Variants in SEC23IP observed in about 807,000 individuals in gnomAD.
The protein encoded by SEC23IP is SEC23 interacting protein.
A neutral mutation model predicts 113.4 loss-of-function variants in SEC23IP; 70 were observed. The observed-to-expected ratio is 0.62, with a 90% CI of 0.51 to 0.75. The LOEUF (loss-of-function observed/expected upper bound fraction) is 0.75, where lower values mean the gene tolerates loss of function less well. Ranked by LOEUF, SEC23IP falls within the 30% of genes least tolerant of loss-of-function variation. The pLI is 0.00. For synonymous variants in SEC23IP, 398 were observed against 421.0 expected, an observed-to-expected ratio of 0.95 and a Z score of 0.67; for missense variants, 1,160 against 1,204.9, an observed-to-expected ratio of 0.96 and a Z score of 0.55.
rs138052751 is a variant in SEC23IP, at chr10:119,892,827, T to C, written c.45T>C (p.Thr15=). The C allele has an allele frequency of 6.7e-5, 108 of 1,613,338 alleles. No homozygotes were observed. Among genetic ancestry groups the C allele is most frequent in the South Asian group, 4.4e-5 (4 of 90,948 alleles). ...KPNGGSGGAS[T]SSSGTNLLFS... ...ACGGTGGCAGCGGCGGCGCCTCCACTTCCTCATCGGGCACTAACTTACTTT... is the reference window on the plus strand; with the variant it reads ...ACGGTGGCAGCGGCGGCGCCTCCACCTCCTCATCGGGCACTAACTTACTTT... Residue 15 remains threonine (T), a synonymous_variant, in exon 1 of 19, where the codon ACT becomes ACC. Transcript: ENST00000369075.
rs111316559 is a variant in SEC23IP, at chr10:119,933,260, A to G, written c.2921+93A>G. On this transcript the variant is annotated intron_variant, in intron 17 of 18. Coordinates refer to ENST00000369075, the MANE Select transcript of SEC23IP (RefSeq NM_007190.4). ...TTTAGTGAGATTCTTTTACTGATAC[A>G]ATGTACTATGAATATTCATTTGAAT... 3.5e-3 allele frequency: 3,517 copies of G among 991,672 alleles called. 41 individuals are homozygous for G. Among genetic ancestry groups the G allele is most frequent in the African/African-American group, 0.033 (2,063 of 61,948 alleles). The allele number at this position is 991,672 out of a possible 1,614,324, so 61.4% of individuals were successfully genotyped here.
chr10:119,936,826 A>G (rs1180129652), intron 18 of SEC23IP, among the ~76,000 whole-genome samples: 1 of 151,780 alleles, frequency 6.6e-6, no homozygotes, highest in East Asian at 1.9e-4. Flanking sequence ...TTGCCTGTTC[A>G]TGACCTTTGT....
In SEC23IP at chr10:119,944,198, G is replaced by A. The variant is rs1564932196; in HGVS notation, c.*3633G>A. ...CCATGCTGTTCTTGTGATAGTGAGG[G>A]AGTTCTCACAAGATCTGATGGTTTT... On this transcript the variant is annotated 3_prime_UTR_variant, in exon 19 of 19. Transcript: ENST00000369075. 1 of 152,072 alleles carries A rather than the reference G, an allele frequency of 6.6e-6. No individual in the cohort carries two copies. The highest frequency in any genetic ancestry group is 1.5e-5 in the Non-Finnish European group (1 of 68,018). The allele number at this position is 152,072 out of a possible 1,614,324, so 9.4% of individuals were successfully genotyped here. A position where few individuals can be genotyped will look rare whatever the true frequency, so the allele number is the denominator to read the frequency against.
chr10:119,894,412 T>C lies in SEC23IP; in HGVS notation c.163+1467T>C, dbSNP rs930988233. 2.0e-5 allele frequency among the ~76,000 whole-genome samples: 3 copies of C among 152,222 alleles called. No individual in the cohort carries two copies. In the East Asian group the frequency reaches 5.8e-4, roughly 29 times the overall value. ...GGTTCCCCTGCCCATGTGTTATGTT[T>C]CTTCTTGATGCTTGTCACTACCTGA... On this transcript the variant is annotated intron_variant, in intron 1 of 18. Coordinates refer to ENST00000369075, the MANE Select transcript of SEC23IP (RefSeq NM_007190.4).
chr10:119,898,406 T>C (rs1589820386), intron 1 of SEC23IP, 21 bp from the exon 2 acceptor site: 1 of 1,593,796 alleles, frequency 6.3e-7, no homozygotes, highest in African/African-American at 1.3e-5. Flanking sequence ...TTAAACCACA[T>C]GCTCTCCTGT....
At chr10:119,928,183 G>T (rs1855483370) in intron 13 of SEC23IP, among the ~76,000 whole-genome samples, 1 of 152,108 alleles carries the variant, frequency 6.6e-6, no homozygotes, top group Non-Finnish European at 1.5e-5. Flanking sequence ...CACTAGTGAG[G>T]TTATTTTCTC....
chr10:119,898,166 C>A, intron 1 of SEC23IP: 2 of 405,738 alleles, frequency 4.9e-6, no homozygotes, highest in Non-Finnish European at 8.2e-6. Flanking sequence ...GTGTTAACAG[C>A]GTGATTGTCT....
chr10:119,896,728 G>A (rs1190358807), intron 1 of SEC23IP, among the ~76,000 whole-genome samples: 2 of 151,984 alleles, frequency 1.3e-5, no homozygotes, highest in Non-Finnish European at 2.9e-5. Flanking sequence ...AAAGTTTCTC[G>A]GACCAGGTTG....
intron 4 of SEC23IP, among the ~76,000 whole-genome samples, chr10:119,905,190 A>G (rs1197925970): frequency 1.3e-5 from 2 of 152,120 alleles, no homozygotes; most frequent in Non-Finnish European, 2.9e-5. Context: ...GTGTATATAT[A>G]TAAAGAAAAA....
At chr10:119,923,675 A>G (rs1855324531) in intron 12 of SEC23IP, among the ~76,000 whole-genome samples, 1 of 151,886 alleles carries the variant, frequency 6.6e-6, no homozygotes, top group Non-Finnish European at 1.5e-5. Flanking sequence ...CAGCCTCCCA[A>G]CTAGCTGGGA....
Position 119,936,753 on chromosome 10 carries a change from A to G in SEC23IP, c.*20+2966A>G, listed in dbSNP as rs1047497326. On this transcript the variant is annotated intron_variant, in intron 18 of 18. Coordinates refer to ENST00000369075, the MANE Select transcript of SEC23IP (RefSeq NM_007190.4). Reference sequence around the variant, plus strand: ...TAATACCGTTTTTACTTACATTTCTATTATTAGTGAAGTTGAGCTCTTTGG... The same window carrying G: ...TAATACCGTTTTTACTTACATTTCTGTTATTAGTGAAGTTGAGCTCTTTGG... Among the ~76,000 whole-genome samples, 4 of 151,908 alleles carry G rather than the reference A, an allele frequency of 2.6e-5. No homozygotes were observed. The East Asian group carries it at 5.8e-4, about 22-fold the overall frequency.
At chr10:119,912,489 T>C (rs1396739993) in intron 6 of SEC23IP, among the ~76,000 whole-genome samples, 1 of 152,144 alleles carries the variant, frequency 6.6e-6, no homozygotes, top group Admixed American at 6.5e-5. Context: ...TTGATACATA[T>C]TAATGGGGTA....
In SEC23IP at chr10:119,898,652, C is replaced by T. The variant is rs754030710; in HGVS notation, c.389C>T (p.Ser130Leu). Reference sequence around the variant, plus strand: ...TTTACAACTGGATCCCAAGATGTCTCGAATGCATTTTCACCATCCATTTCG... The same window carrying T: ...TTTACAACTGGATCCCAAGATGTCTTGAATGCATTTTCACCATCCATTTCG... ...LPFTTGSQDV[S>L]NAFSPSISKA... The change falls in exon 2 of 19, where the codon TCG becomes TTG. Residue 130 changes from serine to leucine, a missense_variant. By Grantham distance (145) the Ser-to-Leu change is moderately radical. Coordinates refer to ENST00000369075, the MANE Select transcript of SEC23IP (RefSeq NM_007190.4). 12 of 1,614,204 alleles carry T rather than the reference C, an allele frequency of 7.4e-6. No homozygotes were observed. The highest frequency in any genetic ancestry group is 3.3e-5 in the South Asian group (3 of 91,084).
At chr10:119,908,124 C>A (rs983083705) in intron 4 of SEC23IP, among the ~76,000 whole-genome samples, 1 of 152,058 alleles carries the variant, frequency 6.6e-6, no homozygotes, top group Admixed American at 6.6e-5. Flanking sequence ...ATTTTGGTAT[C>A]TTTGAGGGGT....
In SEC23IP at chr10:119,930,344, T is replaced by C; in HGVS notation, c.2485T>C (p.Tyr829His). ...CTATTTATAGCTTGATCCAGTGGCATATAGATTAGAACCTATGATTGTTCC... is the reference window on the plus strand; with the variant it reads ...CTATTTATAGCTTGATCCAGTGGCACATAGATTAGAACCTATGATTGTTCC... The part of the protein sequence containing the change: ...NIYHPLDPVA[Y>H]RLEPMIVPDL... The change falls in exon 15 of 19, where the codon TAT (tyrosine) becomes CAT (histidine). Residue 829 changes from tyrosine to histidine, a missense_variant. Physicochemically the swap from Tyr to His is moderately conservative, Grantham distance 83 (BLOSUM62 2). Coordinates refer to ENST00000369075, the MANE Select transcript of SEC23IP (RefSeq NM_007190.4). 1 of 1,595,914 alleles carries C rather than the reference T, an allele frequency of 6.3e-7. No homozygotes were observed. Among genetic ancestry groups the C allele is most frequent in the Non-Finnish European group, 8.6e-7 (1 of 1,167,050 alleles).
chr10:119,899,336 A>G (rs1407488963), intron 2 of SEC23IP, among the ~76,000 whole-genome samples: 2 of 152,256 alleles, frequency 1.3e-5, no homozygotes, highest in African/African-American at 2.4e-5. Flanking sequence ...AAAACACTCA[A>G]TTACAGGGAC....
chr10:119,938,770 A>T (rs2134545064), intron 18 of SEC23IP, among the ~76,000 whole-genome samples: 1 of 152,328 alleles, frequency 6.6e-6, no homozygotes, highest in Middle Eastern at 3.4e-3. Context: ...CTTATATGGA[A>T]AACTCAGAAC....
chr10:119,905,760 C>G (rs1564908865), intron 4 of SEC23IP, among the ~76,000 whole-genome samples: 1 of 152,084 alleles, frequency 6.6e-6, no homozygotes, highest in Non-Finnish European at 1.5e-5. Flanking sequence ...AGCACCAATA[C>G]AAGAGTTTTT....
intron 1 of SEC23IP, among the ~76,000 whole-genome samples, chr10:119,894,892 CTGTGTGTGTG>C (rs3065498): frequency 0.17 from 24,205 of 143,430 alleles, 2,110 homozygotes; most frequent in Non-Finnish European, 0.21. Flanking sequence ...TGGAGACAGT[CTGTGTGTGTG>C]TGTGTGTGTG....
Sources: allele counts gnomAD v4.1 joint callset (sites outside exome capture counted in the v4.1 genomes callset), GRCh38; gene constraint gnomAD v4.1.1; transcripts MANE v1.5; gene names NCBI Gene and HGNC (gene_info 2026-07-23, HGNC 2026-07-21).